The following CSMD2 variants were observed in gnomAD, a reference collection of about 807,000 sequenced individuals.
CSMD2 encodes the protein CUB and Sushi multiple domains 2.
A neutral mutation model predicts 398.5 loss-of-function variants in CSMD2; 130 were observed. The ratio of observed to expected loss-of-function variants is 0.33; its 90% CI spans 0.28 to 0.38. The LOEUF (loss-of-function observed/expected upper bound fraction) is 0.38. Ranked by LOEUF, CSMD2 falls within the 10% of genes least tolerant of loss-of-function variation. The probability of loss-of-function intolerance (pLI) is 1.00; values close to 1 mark genes in which losing one functional copy is unlikely to be tolerated. For synonymous variants in CSMD2, 1,828 were observed against 1,908.5 expected (o/e 0.96, Z 1.10); for missense variants, 3,829 against 4,764.9 (o/e 0.80, Z 5.78).
At chr1:33,516,822 C>A (rs944068858) in intron 70 of CSMD2, among the ~76,000 whole-genome samples, 2 of 152,042 alleles carry the variant, frequency 1.3e-5, no homozygotes, top group African/African-American at 4.8e-5. Flanking sequence ...CGCCATTAGA[C>A]CTGGAGGCCC....
At chr1:33,555,791 C>T (rs895094499) in intron 55 of CSMD2, among the ~76,000 whole-genome samples, 1 of 152,172 alleles carries the variant, frequency 6.6e-6, no homozygotes, top group African/African-American at 2.4e-5. Flanking sequence ...CTACTGCACA[C>T]TTAGATTATA....
intron 51 of CSMD2, among the ~76,000 whole-genome samples, chr1:33,569,889 C>T (rs982931223): frequency 7.9e-5 from 12 of 152,198 alleles, no homozygotes; most frequent in African/African-American, 2.9e-4. Flanking sequence ...TGGTATGCTC[C>T]TGAGTGCCCT....
chr1:34,040,838 T>C (rs1209073211), intron 2 of CSMD2, among the ~76,000 whole-genome samples: 1 of 152,150 alleles, frequency 6.6e-6, no homozygotes, highest in South Asian at 2.1e-4. Context: ...AAGAGGGTAT[T>C]ATTAGGCTGT....
intron 3 of CSMD2, among the ~76,000 whole-genome samples, chr1:33,946,974 C>T (rs1411375837): frequency 6.6e-6 from 1 of 152,124 alleles, no homozygotes; most frequent in African/African-American, 2.4e-5. Flanking sequence ...TTCTGTTTGT[C>T]TGGGTCAGAA....
chr1:33,743,566 G>A lies in CSMD2; in HGVS notation c.1887C>T (p.Val629=), dbSNP rs756954433. ...AGTCCTCTGGGTAGTTGGGAGACAG[G>A]ACAACCCCAGACGGGCTGGTGAAGT... ...FFNFTSPSGV[V]LSPNYPEDYG... Residue 629 remains valine (V), a synonymous_variant, in exon 14 of 71, where the codon GTC becomes GTT. Coordinates refer to ENST00000373381, the MANE Select transcript of CSMD2 (RefSeq NM_001281956.2). 1.9e-6 allele frequency: 3 copies of A among 1,609,614 alleles called. No homozygotes were observed. The highest frequency in any genetic ancestry group is 2.2e-5 in the East Asian group (1 of 44,708).
chr1:33,715,334 C>T (rs994376129), intron 20 of CSMD2, among the ~76,000 whole-genome samples: 6 of 152,242 alleles, frequency 3.9e-5, no homozygotes, highest in African/African-American at 9.6e-5. Flanking sequence ...GTCTCAGCTA[C>T]GTTGGCACTT....
At position 33,636,123 on chromosome 1, in the gene CSMD2, A is replaced by G. The variant is rs1402028058; in HGVS notation, c.4969+237T>C. Among the ~76,000 whole-genome samples, 1 of 152,096 alleles carries G rather than the reference A, an allele frequency of 6.6e-6. No homozygotes were observed. Among genetic ancestry groups the G allele is most frequent in the Non-Finnish European group, 1.5e-5 (1 of 68,010 alleles). On this transcript the variant is annotated intron_variant, in intron 30 of 70. Transcript: ENST00000373381. This position sits in a 1 kb window ranked among gnomAD's most constrained non-coding sequence, Gnocchi z 4.8. ...GGGGGCCTCTGTTGAGGGCATGAGC[A>G]TCTATGTGAATGGGGGTAGGGACAC...
chr1:33,838,749 GA>G (rs2125059739), intron 6 of CSMD2: 1 of 152,434 alleles, frequency 6.6e-6, no homozygotes, highest in African/African-American at 2.4e-5. Context: ...AACAGAAGAT[GA>G]TGTGTCTGTT....
chr1:33,911,269 C>T (rs75753073), intron 5 of CSMD2, among the ~76,000 whole-genome samples: 9,154 of 152,174 alleles, frequency 0.06, 883 homozygotes, highest in African/African-American at 0.21. Flanking sequence ...TTTGATAAAG[C>T]ATATGTGAAT....
chr1:33,793,782 A>G (rs1654623627), intron 10 of CSMD2, among the ~76,000 whole-genome samples: 1 of 151,940 alleles, frequency 6.6e-6, no homozygotes, highest in Admixed American at 6.6e-5. Flanking sequence ...GGTCCTAGTG[A>G]TATTTAGGGC....
intron 1 of CSMD2, among the ~76,000 whole-genome samples, chr1:34,099,260 C>G (rs1659711892): frequency 6.6e-6 from 1 of 152,200 alleles, no homozygotes; most frequent in South Asian, 2.1e-4. Flanking sequence ...TTCCTTCATT[C>G]ATTCATTCCT....
chr1:33,827,473 T>C (rs7519344), intron 6 of CSMD2, among the ~76,000 whole-genome samples: 119,105 of 152,136 alleles, frequency 0.78, 47,462 homozygotes, highest in African/African-American at 0.92. Flanking sequence ...CTTAAGTGTT[T>C]GTGCAAACAC....
intron 5 of CSMD2, among the ~76,000 whole-genome samples, chr1:33,889,462 T>C (rs1641834311): frequency 6.6e-6 from 1 of 152,222 alleles, no homozygotes; most frequent in Non-Finnish European, 1.5e-5. Flanking sequence ...ACAGTCTTTC[T>C]GGAGTACACT....
intron 21 of CSMD2, among the ~76,000 whole-genome samples, chr1:33,710,636 T>TCTGGA (rs1645953194): frequency 6.6e-6 from 1 of 152,192 alleles, no homozygotes; most frequent in African/African-American, 2.4e-5. Context: ...CCAGGCACAG[T>TCTGGA]CTGTGGCTAG....
chr1:33,663,469 C>A (rs1644207820), intron 25 of CSMD2, among the ~76,000 whole-genome samples: 1 of 151,770 alleles, frequency 6.6e-6, no homozygotes, highest in African/African-American at 2.4e-5. Flanking sequence ...AAGGCAGGAT[C>A]TGGCTTGGAC....
At chr1:33,767,288 C>T (rs1191795838) in intron 13 of CSMD2, among the ~76,000 whole-genome samples, 1 of 152,032 alleles carries the variant, frequency 6.6e-6, no homozygotes, top group Non-Finnish European at 1.5e-5. Context: ...AAAGACTGGT[C>T]GAATTTGAAA....
At chr1:34,095,518 C>G (rs1239362321) in intron 1 of CSMD2, among the ~76,000 whole-genome samples, 9 of 151,524 alleles carry the variant, frequency 5.9e-5, no homozygotes, top group Non-Finnish European at 1.3e-4. Context: ...GCTAGCAAGA[C>G]TAATAAAGAA....
At chr1:33,671,426 G>A (rs578105703) in intron 25 of CSMD2, among the ~76,000 whole-genome samples, 31 of 152,144 alleles carry the variant, frequency 2.0e-4, no homozygotes, top group Admixed American at 6.5e-4. Flanking sequence ...TTCCTTGGTG[G>A]GGCTGCCCTG....
intron 5 of CSMD2, among the ~76,000 whole-genome samples, chr1:33,896,007 C>A (rs1395916392): frequency 6.6e-6 from 1 of 152,270 alleles, no homozygotes. Flanking sequence ...TCCCAGAACC[C>A]CAGAGTCTGG....
Sources: gnomAD v4.1 joint callset for allele counts (sites outside exome capture counted in the v4.1 genomes callset) on GRCh38, gnomAD v4.1.1 for gene constraint, Gnocchi (gnomAD v3.1) non-coding constraint, MANE v1.5 for transcripts, NCBI Gene and HGNC (gene_info 2026-07-23, HGNC 2026-07-21) for gene names.